The following ACVR1 variants were observed in gnomAD, a reference collection of about 807,000 sequenced individuals.
The protein encoded by ACVR1 is activin receptor type-1.
Under a neutral mutation model 57.1 loss-of-function variants are expected in ACVR1, and 38 were observed. That is an observed-to-expected ratio of 0.67 (90% CI 0.51 to 0.87). The LOEUF is 0.87. ACVR1 is among the 40% of genes least tolerant of loss of function. ACVR1 has a pLI of 0.00. For missense variants in ACVR1, 463 were observed against 638.2 expected, an observed-to-expected ratio of 0.73 and a Z score of 2.96; for synonymous variants, 212 against 228.1, an observed-to-expected ratio of 0.93 and a Z score of 0.63.
At chr2:157,837,280 TC>T (rs1688815169) in intron 1 of ACVR1, among the ~76,000 whole-genome samples, 1 of 152,322 alleles carries the variant, frequency 6.6e-6, no homozygotes, top group African/African-American at 2.4e-5. Flanking sequence ...TGTCTTTCTT[TC>T]CCTTTGGAGA....
chr2:157,847,733 T>C (rs1689167673), intron 1 of ACVR1, among the ~76,000 whole-genome samples: 1 of 151,998 alleles, frequency 6.6e-6, no homozygotes. Context: ...CAAACAGTAA[T>C]ACTATGGGAA....
chr2:157,806,803 A>T (rs1345830671), intron 2 of ACVR1: 1 of 152,022 alleles, frequency 6.6e-6, no homozygotes, highest in Non-Finnish European at 1.5e-5. Flanking sequence ...TTAACACCAC[A>T]CTCTGTCGGA....
chr2:157,872,196 G>A (rs377323946), intron 1 of ACVR1, among the ~76,000 whole-genome samples: 1 of 152,152 alleles, frequency 6.6e-6, no homozygotes, highest in African/African-American at 2.4e-5. Flanking sequence ...CACAGTGCCC[G>A]GTGCTTGCTT....
intron 2 of ACVR1, among the ~76,000 whole-genome samples, chr2:157,812,523 A>G (rs2105322214): frequency 6.6e-6 from 1 of 152,348 alleles, no homozygotes; most frequent in East Asian, 1.9e-4. Flanking sequence ...GTAATTAACT[A>G]AACTATGTAT....
intron 1 of ACVR1, among the ~76,000 whole-genome samples, chr2:157,870,389 T>G (rs1187339612): frequency 6.6e-6 from 1 of 152,216 alleles, no homozygotes; most frequent in African/African-American, 2.4e-5. Context: ...CTTTCATAGA[T>G]GAGCAAAAGC....
intron 3 of ACVR1, among the ~76,000 whole-genome samples, chr2:157,783,608 G>C (rs947516660): frequency 6.6e-6 from 1 of 152,066 alleles, no homozygotes; most frequent in Non-Finnish European, 1.5e-5. Flanking sequence ...GAAATACCAG[G>C]GTTTTCATAA....
chr2:157,769,529 A>G (rs1202414570), intron 7 of ACVR1, among the ~76,000 whole-genome samples: 1 of 152,236 alleles, frequency 6.6e-6, no homozygotes, highest in East Asian at 1.9e-4. Flanking sequence ...ACAACTGTCA[A>G]ATCATTATTT....
intron 1 of ACVR1, among the ~76,000 whole-genome samples, chr2:157,852,402 TG>T (rs1180355251): frequency 1.3e-5 from 2 of 148,918 alleles, no homozygotes; most frequent in Non-Finnish European, 3.0e-5. Flanking sequence ...GAGGCTGATG[TG>T]GGAGAACTGC....
intron 1 of ACVR1, among the ~76,000 whole-genome samples, chr2:157,856,853 G>A (rs1316378989): frequency 2.6e-5 from 4 of 152,134 alleles, no homozygotes; most frequent in Non-Finnish European, 5.9e-5. Flanking sequence ...ATACTGAGAC[G>A]CAAGTTCAAG....
chr2:157,852,225 C>T (rs994165600), intron 1 of ACVR1, among the ~76,000 whole-genome samples: 1 of 151,916 alleles, frequency 6.6e-6, no homozygotes, highest in Non-Finnish European at 1.5e-5. Flanking sequence ...AGGCCAGGTG[C>T]AGTGGCTCAC....
At chr2:157,743,126 G>T (rs755900775) in intron 9 of ACVR1, among the ~76,000 whole-genome samples, 17 of 152,176 alleles carry the variant, frequency 1.1e-4, no homozygotes, top group Non-Finnish European at 1.9e-4. Flanking sequence ...CCTACCTTTT[G>T]TCTGGCATAC....
chr2:157,765,853 A>G, intron 8 of ACVR1, 68 bp downstream of exon 8: 1 of 1,532,994 alleles, frequency 6.5e-7, no homozygotes, highest in Non-Finnish European at 9.0e-7. Flanking sequence ...TGGGGGAGAG[A>G]TGCAACTCAC....
intron 1 of ACVR1, among the ~76,000 whole-genome samples, chr2:157,842,279 A>G (rs534649779): frequency 2.5e-4 from 38 of 152,290 alleles, no homozygotes; most frequent in African/African-American, 9.1e-4. Flanking sequence ...TCTTCCAACC[A>G]ACTTCCTGAC....
intron 4 of ACVR1, 48 bp downstream of exon 4, chr2:157,780,289 A>G (rs1686455046): frequency 6.2e-7 from 1 of 1,613,490 alleles, no homozygotes; most frequent in East Asian, 2.2e-5. Flanking sequence ...GACCCAGGAC[A>G]ACACTAACAA....
intron 2 of ACVR1, among the ~76,000 whole-genome samples, chr2:157,811,889 G>A (rs1192750675): frequency 6.6e-6 from 1 of 152,194 alleles, no homozygotes; most frequent in African/African-American, 2.4e-5. Flanking sequence ...TAGCATTGTG[G>A]CACTTCTGAG....
chr2:157,760,222 T>G, intron 9 of ACVR1, among the ~76,000 whole-genome samples: 1 of 152,262 alleles, frequency 6.6e-6, no homozygotes, highest in East Asian at 1.9e-4. Context: ...ATCACTCATA[T>G]GTGGGAGCTA....
chr2:157,842,894 A>G (rs2105357009), intron 1 of ACVR1, among the ~76,000 whole-genome samples: 1 of 152,306 alleles, frequency 6.6e-6, no homozygotes, highest in East Asian at 1.9e-4. Flanking sequence ...GAGGCAGTGT[A>G]CAGATTCCAG....
At chr2:157,815,379 T>A (rs1687896269) in intron 2 of ACVR1, among the ~76,000 whole-genome samples, 1 of 152,184 alleles carries the variant, frequency 6.6e-6, no homozygotes, top group African/African-American at 2.4e-5. Flanking sequence ...TGTGCCTTTT[T>A]AATCTTGTAT....
intron 9 of ACVR1, among the ~76,000 whole-genome samples, chr2:157,750,036 C>G (rs1685122464): frequency 6.6e-6 from 1 of 152,192 alleles, no homozygotes; most frequent in Non-Finnish European, 1.5e-5. Flanking sequence ...CCCGCCCAGC[C>G]TGCTAGCACC....
Sources: allele counts gnomAD v4.1 joint callset (sites outside exome capture counted in the v4.1 genomes callset), GRCh38; gene constraint gnomAD v4.1.1; transcripts MANE v1.5; gene names NCBI Gene and HGNC (gene_info 2026-07-23, HGNC 2026-07-21).